The following BACE2 variants were observed in gnomAD, a reference collection of about 807,000 sequenced individuals.
BACE2 encodes the protein beta-secretase 2.
In BACE2, 17 loss-of-function variants were observed where a neutral mutation model predicts 46.2. The observed-to-expected ratio is 0.37, with a 90% CI of 0.25 to 0.55. BACE2 has a LOEUF of 0.55. Ranked by LOEUF, BACE2 falls within the 20% of genes least tolerant of loss-of-function variation. BACE2 has a pLI of 0.82. For synonymous variants in BACE2, 277 were observed against 295.9 expected (o/e 0.94, Z 0.66); for missense variants, 595 against 698.1 (o/e 0.85, Z 1.66).
intron 1 of BACE2, among the ~76,000 whole-genome samples, chr21:41,170,311 A>C (rs1436634289): frequency 6.6e-6 from 1 of 152,196 alleles, no homozygotes; most frequent in Non-Finnish European, 1.5e-5. Flanking sequence ...TAATTAACAG[A>C]AATGTATTGA....
rs200294356 is a variant in BACE2, at chr21:41,179,613, G to A, written c.312+11038G>A. ...AGGAGGTGTTTGCAGTGCTTCAGGC[G>A]CAGCAACTCTTTCATCTAGTTTAAA... On this transcript the variant is annotated intron_variant, in intron 1 of 8. Transcript: ENST00000330333. The A allele has an allele frequency of 2.2e-4, 295 of 1,361,784 alleles. 1 individual carries two copies. The African/African-American group carries it at 3.4e-3, about 16-fold the overall frequency. 84.4% of individuals were successfully genotyped at this position (1,361,784 alleles called of 1,614,324 possible). A position where few individuals can be genotyped will look rare whatever the true frequency, so the allele number is the denominator to read the frequency against.
At chr21:41,218,235 C>T (rs575024475) in intron 1 of BACE2, among the ~76,000 whole-genome samples, 119 of 152,178 alleles carry the variant, frequency 7.8e-4, no homozygotes, top group Admixed American at 3.7e-3. Flanking sequence ...GAAAAAGTCA[C>T]GTGTAATGAG....
In BACE2 at chr21:41,277,214, C is replaced by G. The variant is rs2088499872; in HGVS notation, c.*1590C>G. On this transcript the variant is annotated 3_prime_UTR_variant, in exon 9 of 9. Transcript: ENST00000330333. ...CAGCCATCTGCTCTGCTCCCTGGGT[C>G]CCCGGGTCACCACCATACTGAGAAA... 1 of 152,012 alleles carries G rather than the reference C, an allele frequency of 6.6e-6. No individual in the cohort carries two copies. The highest frequency in any genetic ancestry group is 2.1e-4 in the South Asian group (1 of 4,814). 9.4% of individuals were successfully genotyped at this position (152,012 alleles called of 1,614,324 possible). A position where few individuals can be genotyped will look rare whatever the true frequency, so the allele number is the denominator to read the frequency against.
chr21:41,179,076 G>C (rs1442418814), intron 1 of BACE2: 1 of 1,171,890 alleles, frequency 8.5e-7, no homozygotes, highest in Non-Finnish European at 1.1e-6. Flanking sequence ...GAGGGTGTCA[G>C]GGTGAGGAGT....
At chr21:41,222,357 G>A (rs956265722) in intron 1 of BACE2, among the ~76,000 whole-genome samples, 1 of 152,232 alleles carries the variant, frequency 6.6e-6, no homozygotes, top group African/African-American at 2.4e-5. Flanking sequence ...GCCAGCCAGG[G>A]TCAGCTTCGT....
At chr21:41,211,151 C>T (rs1433506253) in intron 1 of BACE2, among the ~76,000 whole-genome samples, 1 of 151,984 alleles carries the variant, frequency 6.6e-6, no homozygotes, top group Non-Finnish European at 1.5e-5. Context: ...GGCAGCCAAG[C>T]CCATCCCCAT....
intron 1 of BACE2, among the ~76,000 whole-genome samples, chr21:41,196,437 A>G (rs917952692): frequency 5.9e-5 from 9 of 152,236 alleles, no homozygotes; most frequent in African/African-American, 2.2e-4. Flanking sequence ...TGTCATAGCA[A>G]ATGATTAGAA....
chr21:41,244,741 A>G (rs558511572), intron 5 of BACE2, among the ~76,000 whole-genome samples: 1 of 152,328 alleles, frequency 6.6e-6, no homozygotes, highest in African/African-American at 2.4e-5. Flanking sequence ...GAAACTAAAG[A>G]TTATAAAAAT....
intron 1 of BACE2, chr21:41,176,710 T>C (rs990162634): frequency 1.3e-5 from 2 of 152,184 alleles, no homozygotes; most frequent in African/African-American, 4.8e-5. Context: ...AAACACGCAG[T>C]TTTTTCTAGG....
intron 1 of BACE2, chr21:41,177,306 CATTGAAA>C (rs1568855786): frequency 6.6e-6 from 1 of 152,270 alleles, no homozygotes; most frequent in East Asian, 1.9e-4. Context: ...ACCATCAAGA[CATTGAAA>C]ATCGACAGAA....
chr21:41,266,478 T>G (rs1988070796), intron 8 of BACE2, among the ~76,000 whole-genome samples: 1 of 152,252 alleles, frequency 6.6e-6, no homozygotes, highest in Admixed American at 6.5e-5. Context: ...TGCATATGTT[T>G]CTGCTGAGTG....
rs75134238 is a variant in BACE2, at chr21:41,185,689, C to T, written c.312+17114C>T. ...GCATCTGGAGGGTGGCCTATAATACCGATGCTGAGAACCCAAAATGCCTGC... is the reference window on the plus strand; with the variant it reads ...GCATCTGGAGGGTGGCCTATAATACTGATGCTGAGAACCCAAAATGCCTGC... On this transcript the variant is annotated intron_variant, in intron 1 of 8. Transcript: ENST00000330333. Among the ~76,000 whole-genome samples the T allele has an allele frequency of 5.2e-3, 796 of 152,310 alleles. 5 individuals are homozygous for T. Among genetic ancestry groups the T allele is most frequent in the African/African-American group, 0.018 (769 of 41,572 alleles).
At chr21:41,239,510 T>G (rs1987229224) in intron 3 of BACE2, among the ~76,000 whole-genome samples, 1 of 152,216 alleles carries the variant, frequency 6.6e-6, no homozygotes, top group African/African-American at 2.4e-5. Flanking sequence ...CCCAAGTAGC[T>G]GGGACCACAG....
At chr21:41,224,823 T>C (rs1424213138) in intron 1 of BACE2, among the ~76,000 whole-genome samples, 1 of 152,030 alleles carries the variant, frequency 6.6e-6, no homozygotes, top group East Asian at 1.9e-4. Flanking sequence ...ACCACCAAAT[T>C]TGGGGGAGGA....
chr21:41,210,154 C>T (rs1011661964), intron 1 of BACE2, among the ~76,000 whole-genome samples: 6 of 152,128 alleles, frequency 3.9e-5, no homozygotes, highest in Non-Finnish European at 5.9e-5. Context: ...ACTGCTCCCT[C>T]AACTTCAACC....
chr21:41,219,457 C>T (rs1056047068), intron 1 of BACE2, among the ~76,000 whole-genome samples: 1 of 152,138 alleles, frequency 6.6e-6, no homozygotes, highest in Non-Finnish European at 1.5e-5. Context: ...AAATTCATCT[C>T]TTAAAATAAT....
rs141166086 is a variant in BACE2, at chr21:41,213,523, G to C, written c.313-12743G>C. ...GGCACGGTGGCTCACGCCTGTAATC[G>C]CAGCACTTTGGGAGGCCAAGGCGGG... On this transcript the variant is annotated intron_variant, in intron 1 of 8. Coordinates refer to ENST00000330333, the MANE Select transcript of BACE2 (RefSeq NM_012105.5). Among the ~76,000 whole-genome samples the C allele has an allele frequency of 5.9e-5, 9 of 152,036 alleles. No homozygotes were observed. In the East Asian group the frequency reaches 1.5e-3, roughly 26 times the overall value.
chr21:41,236,748 C>G (rs1987130373), intron 2 of BACE2: 1 of 152,332 alleles, frequency 6.6e-6, no homozygotes, highest in East Asian at 1.9e-4. Context: ...GGTGGAGCCT[C>G]CCTCTGGGAT....
At chr21:41,222,370 A>T (rs1184277437) in intron 1 of BACE2, among the ~76,000 whole-genome samples, 1 of 152,142 alleles carries the variant, frequency 6.6e-6, no homozygotes, top group Non-Finnish European at 1.5e-5. Context: ...AGCTTCGTGG[A>T]GAAGGTGGCG....
Sources: allele counts gnomAD v4.1 joint callset (sites outside exome capture counted in the v4.1 genomes callset), GRCh38; gene constraint gnomAD v4.1.1; transcripts MANE v1.5; gene names NCBI Gene and HGNC (gene_info 2026-07-23, HGNC 2026-07-21).